The following GLG1 variants were observed in gnomAD, a reference collection of about 807,000 sequenced individuals.
GLG1 encodes golgi glycoprotein 1, also known as Golgi apparatus protein 1.
Under a neutral mutation model 160.5 loss-of-function variants are expected in GLG1, and 38 were observed. That is an observed-to-expected ratio of 0.24 (90% CI 0.18 to 0.31). The LOEUF (loss-of-function observed/expected upper bound fraction) is 0.31. Among genes scored for constraint, GLG1 ranks in the 10% least tolerant of loss-of-function variants. GLG1 has a pLI of 1.00. For synonymous variants in GLG1, 644 were observed against 543.4 expected, an observed-to-expected ratio of 1.19 and a Z score of -2.57; for missense variants, 1,373 against 1,505.2, an observed-to-expected ratio of 0.91 and a Z score of 1.45.
chr16:74,571,515 A>G (rs2018826135), intron 1 of GLG1, among the ~76,000 whole-genome samples: 1 of 152,080 alleles, frequency 6.6e-6, no homozygotes, highest in Non-Finnish European at 1.5e-5. Context: ...TTTATAAATA[A>G]TAATAAAATT....
At chr16:74,584,212 T>C (rs1348445748) in intron 1 of GLG1, among the ~76,000 whole-genome samples, 1 of 152,168 alleles carries the variant, frequency 6.6e-6, no homozygotes. Context: ...GACATTTCAA[T>C]AGACAGCCAG....
intron 2 of GLG1, among the ~76,000 whole-genome samples, chr16:74,511,557 CAGG>C (rs1448199613): frequency 7.9e-6 from 1 of 126,164 alleles, no homozygotes; most frequent in Non-Finnish European, 1.6e-5. Context: ...GAGGCTGAGG[CAGG>C]AGAATAACTT....
chr16:74,593,083 C>T (rs1958220331), intron 1 of GLG1, among the ~76,000 whole-genome samples: 1 of 152,164 alleles, frequency 6.6e-6, no homozygotes, highest in Admixed American at 6.6e-5. Context: ...GATGATGCAG[C>T]AAGCTGGCCC....
At chr16:74,486,976 T>C (rs2015813985) in intron 8 of GLG1, among the ~76,000 whole-genome samples, 1 of 149,958 alleles carries the variant, frequency 6.7e-6, no homozygotes, top group Non-Finnish European at 1.5e-5. Context: ...TGCAGTGGCA[T>C]GATCTCTGCT....
chr16:74,606,600 C>A, intron 1 of GLG1, 57 bp downstream of exon 1: 1 of 1,442,574 alleles, frequency 6.9e-7, no homozygotes, highest in Non-Finnish European at 9.4e-7. Flanking sequence ...CCAAGGCCGG[C>A]AACACCCTCG....
At chr16:74,560,941 T>C (rs1567524339) in intron 1 of GLG1, among the ~76,000 whole-genome samples, 1 of 141,804 alleles carries the variant, frequency 7.1e-6, no homozygotes, top group Non-Finnish European at 1.5e-5. Context: ...GGCATAAAAA[T>C]ATGTGTTTGC....
intron 25 of GLG1, among the ~76,000 whole-genome samples, chr16:74,454,644 C>A (rs1200894746): frequency 9.0e-6 from 1 of 110,566 alleles, no homozygotes; most frequent in African/African-American, 3.6e-5. Context: ...CCAGCCTGGG[C>A]AACAGGACGA....
intron 1 of GLG1, among the ~76,000 whole-genome samples, chr16:74,603,830 T>C (rs949551632): frequency 1.3e-5 from 2 of 152,126 alleles, no homozygotes; most frequent in African/African-American, 4.8e-5. Flanking sequence ...CACTTTCTAA[T>C]TTTTTGTTTT....
intron 15 of GLG1, among the ~76,000 whole-genome samples, 178 bp from the exon 16 acceptor site, chr16:74,470,251 G>C (rs1015393934): frequency 6.6e-6 from 1 of 151,132 alleles, no homozygotes; most frequent in Non-Finnish European, 1.5e-5. Flanking sequence ...CAACAGGCAG[G>C]CTTCCTTCCT....
intron 8 of GLG1, among the ~76,000 whole-genome samples, chr16:74,486,949 T>C (rs1008919851): frequency 1.3e-5 from 2 of 150,218 alleles, no homozygotes; most frequent in Non-Finnish European, 3.0e-5. Context: ...AGTTTCGCTC[T>C]GTCACCCAGG....
At chr16:74,489,672 G>T (rs375674168) in intron 8 of GLG1, among the ~76,000 whole-genome samples, 1 of 152,116 alleles carries the variant, frequency 6.6e-6, no homozygotes, top group Non-Finnish European at 1.5e-5. Flanking sequence ...AAATCAAACG[G>T]CAGATTCCAG....
chr16:74,516,677 C>T (rs578222117), intron 2 of GLG1, among the ~76,000 whole-genome samples: 5 of 152,252 alleles, frequency 3.3e-5, no homozygotes, highest in African/African-American at 1.2e-4. Flanking sequence ...ATTTCAAAAG[C>T]TAGCAAAAGA....
intron 12 of GLG1, among the ~76,000 whole-genome samples, chr16:74,474,911 C>G (rs1379022004): frequency 6.6e-6 from 1 of 152,132 alleles, no homozygotes; most frequent in African/African-American, 2.4e-5. Flanking sequence ...GATCCCAGCA[C>G]TTTGGGAGGC....
At chr16:74,500,001 TCAA>T (rs1490033050) in intron 4 of GLG1, among the ~76,000 whole-genome samples, 14 of 152,286 alleles carry the variant, frequency 9.2e-5, no homozygotes, top group Admixed American at 3.3e-4. Context: ...AGACTCCGTC[TCAA>T]CAACAACACC....
At chr16:74,473,992 T>G (rs1191094387) in intron 13 of GLG1, among the ~76,000 whole-genome samples, 1 of 152,070 alleles carries the variant, frequency 6.6e-6, no homozygotes. Flanking sequence ...CCCACTCTGT[T>G]GCCCAGGCTG....
chr16:74,606,134 C>A (rs1597393271), intron 1 of GLG1, among the ~76,000 whole-genome samples: 1 of 152,192 alleles, frequency 6.6e-6, no homozygotes, highest in East Asian at 1.9e-4. Flanking sequence ...GGGTTCAATA[C>A]AACTGACCAA....
intron 1 of GLG1, among the ~76,000 whole-genome samples, chr16:74,539,585 G>A (rs955261097): frequency 5.3e-5 from 8 of 151,102 alleles, no homozygotes; most frequent in African/African-American, 1.9e-4. Flanking sequence ...ATACTGACAG[G>A]ACTTTTAGCT....
intron 2 of GLG1, among the ~76,000 whole-genome samples, chr16:74,520,786 G>T (rs1338284237): frequency 6.6e-6 from 1 of 152,182 alleles, no homozygotes; most frequent in Non-Finnish European, 1.5e-5. Flanking sequence ...ATGCTAATGG[G>T]AAGTATATTA....
At chr16:74,465,115 A>G (rs2014952314) in intron 19 of GLG1, among the ~76,000 whole-genome samples, 1 of 152,214 alleles carries the variant, frequency 6.6e-6, no homozygotes, top group African/African-American at 2.4e-5. Flanking sequence ...CTGGGATTAC[A>G]GGCGTGAGCC....
Sources: gnomAD v4.1 joint callset for allele counts (sites outside exome capture counted in the v4.1 genomes callset) on GRCh38, gnomAD v4.1.1 for gene constraint, MANE v1.5 for transcripts, NCBI Gene and HGNC (gene_info 2026-07-23, HGNC 2026-07-21) for gene names.